RBFOX1: variants seen among roughly 807,000 people sequenced by gnomAD.
RBFOX1 encodes RNA binding protein fox-1 homolog 1.
A neutral mutation model predicts 57.7 loss-of-function variants in RBFOX1; 8 were observed. The observed-to-expected ratio is 0.14, with a 90% CI of 0.08 to 0.25. The LOEUF is 0.25. Among genes scored for constraint, RBFOX1 ranks in the 10% least tolerant of loss-of-function variants. The pLI, the probability that RBFOX1 is intolerant of heterozygous loss-of-function variation, is 1.00. For synonymous variants in RBFOX1, 326 were observed against 222.4 expected, an observed-to-expected ratio of 1.47 and a Z score of -4.15; for missense variants, 611 against 548.5, an observed-to-expected ratio of 1.11 and a Z score of -1.14.
At chr16:7,310,096 C>G (rs747383726) in intron 4 of RBFOX1, among the ~76,000 whole-genome samples, 1 of 152,198 alleles carries the variant, frequency 6.6e-6, no homozygotes, top group Admixed American at 6.5e-5. Context: ...ATAGGGTCAG[C>G]TCTCAGGCAC....
At chr16:5,358,327 T>TTTTTTTTTTTTTTTTTTTGAG (rs2065450729) in intron 1 of RBFOX1, among the ~76,000 whole-genome samples, 2 of 151,698 alleles carry the variant, frequency 1.3e-5, no homozygotes, top group African/African-American at 4.9e-5. Context: ...GTAATCTTTT[T>TTTTTTTTTTTTTTTTTTTGAG]ATGCCTGCAT....
At chr16:6,848,100 G>A (rs1376373022) in intron 3 of RBFOX1, among the ~76,000 whole-genome samples, 1 of 152,066 alleles carries the variant, frequency 6.6e-6, no homozygotes, top group Non-Finnish European at 1.5e-5. Flanking sequence ...ACAAAGTGCT[G>A]GGATTTGCAG....
chr16:5,355,484 G>A (rs1386194785), intron 1 of RBFOX1, among the ~76,000 whole-genome samples: 6 of 152,192 alleles, frequency 3.9e-5, no homozygotes, highest in African/African-American at 1.4e-4. Flanking sequence ...GCTGGCTCAA[G>A]GCCCGGGGCC....
At chr16:6,856,380 C>A (rs187543646) in intron 3 of RBFOX1, among the ~76,000 whole-genome samples, 1 of 152,186 alleles carries the variant, frequency 6.6e-6, no homozygotes, top group East Asian at 1.9e-4. Context: ...ACTATGTCTC[C>A]TTGGAGTCCC....
intron 4 of RBFOX1, among the ~76,000 whole-genome samples, chr16:5,885,069 G>A (rs1490088798): frequency 6.6e-6 from 1 of 152,066 alleles, no homozygotes; most frequent in Non-Finnish European, 1.5e-5. Context: ...ATGGTCTTCG[G>A]GTCTCTTGTA....
rs1240258186 is a variant in RBFOX1, at chr16:6,047,627, G to A, written c.-127+27635G>A. 1.3e-5 allele frequency among the ~76,000 whole-genome samples: 2 copies of A among 152,166 alleles called. 1 individual carries two copies. The highest frequency in any genetic ancestry group is 1.3e-4 in the Admixed American group (2 of 15,276). On this transcript the variant is annotated intron_variant, in intron 1 of 15. Coordinates refer to ENST00000550418, the MANE Select transcript of RBFOX1 (RefSeq NM_018723.4). ...TGAGGGATGACTTGCTCACAGACCA[G>A]ATTATTTCATCCCCAAATGGAATGG... is the stretch of plus-strand genomic sequence containing the variant.
At chr16:7,219,007 A>G (rs567554030) in intron 4 of RBFOX1, among the ~76,000 whole-genome samples, 4 of 152,272 alleles carry the variant, frequency 2.6e-5, no homozygotes, top group African/African-American at 9.6e-5. Flanking sequence ...GGTGGTCACA[A>G]GAGAAGAAGA....
At chr16:7,616,573 T>C (rs1468514204) in intron 10 of RBFOX1, among the ~76,000 whole-genome samples, 2 of 152,216 alleles carry the variant, frequency 1.3e-5, no homozygotes, top group African/African-American at 4.8e-5. Flanking sequence ...ATTTTGTTTT[T>C]GTTTTTGGGA....
chr16:5,388,732 G>A (rs933674264), intron 1 of RBFOX1, among the ~76,000 whole-genome samples: 3 of 151,856 alleles, frequency 2.0e-5, no homozygotes, highest in Non-Finnish European at 4.4e-5. Context: ...ATGCCACCAT[G>A]CCCAGCTAAT....
intron 1 of RBFOX1, among the ~76,000 whole-genome samples, chr16:5,350,564 C>G (rs1233335517): frequency 1.3e-5 from 2 of 152,184 alleles, no homozygotes; most frequent in African/African-American, 4.8e-5. Context: ...CCTCAGTCCT[C>G]CTTTAAAATG....
At chr16:6,338,197 C>A (rs1340246739) in intron 2 of RBFOX1, among the ~76,000 whole-genome samples, 1 of 151,978 alleles carries the variant, frequency 6.6e-6, no homozygotes, top group African/African-American at 2.4e-5. Flanking sequence ...GAATATTTTC[C>A]CCACCTCTTC....
chr16:7,267,568 T>C (rs2095195120), intron 4 of RBFOX1, among the ~76,000 whole-genome samples: 1 of 145,974 alleles, frequency 6.9e-6, no homozygotes, highest in South Asian at 2.2e-4. Flanking sequence ...TAAAATAAAA[T>C]GGGAAGCCGA....
chr16:7,443,999 C>G (rs754271416), intron 4 of RBFOX1, among the ~76,000 whole-genome samples: 1 of 152,102 alleles, frequency 6.6e-6, no homozygotes, highest in Admixed American at 6.6e-5. Context: ...TCCACTTTGC[C>G]TATGAAGAAA....
chr16:6,154,048 C>A (rs189493897), intron 1 of RBFOX1, among the ~76,000 whole-genome samples: 2 of 152,296 alleles, frequency 1.3e-5, no homozygotes, highest in African/African-American at 4.8e-5. Flanking sequence ...TAAGTCCAGA[C>A]CTCATGGAAA....
chr16:7,567,186 T>C (rs541561921), intron 5 of RBFOX1, among the ~76,000 whole-genome samples: 1 of 147,766 alleles, frequency 6.8e-6, no homozygotes, highest in Non-Finnish European at 1.5e-5. Flanking sequence ...CCTATATAAA[T>C]ATCCATATAT....
chr16:7,078,739 A>C (rs147876594), intron 4 of RBFOX1, among the ~76,000 whole-genome samples: 1 of 144,662 alleles, frequency 6.9e-6, no homozygotes, highest in African/African-American at 2.5e-5. Flanking sequence ...CTGGAGTGCA[A>C]TGGCATGATC....
chr16:6,808,564 G>T (rs892615978), intron 3 of RBFOX1, among the ~76,000 whole-genome samples: 4 of 152,050 alleles, frequency 2.6e-5, no homozygotes, highest in African/African-American at 9.7e-5. Context: ...TTGTCTGATG[G>T]GGAATAACTG....
chr16:7,226,468 T>C (rs1186172850), intron 4 of RBFOX1, among the ~76,000 whole-genome samples: 1 of 152,206 alleles, frequency 6.6e-6, no homozygotes. Context: ...GCAGCCTGCA[T>C]TGACTCTCCA....
intron 2 of RBFOX1, among the ~76,000 whole-genome samples, chr16:5,586,131 T>C (rs7186113): frequency 0.22 from 32,760 of 152,016 alleles, 4,185 homozygotes; most frequent in East Asian, 0.5. Flanking sequence ...CCAAGGCACC[T>C]TGAGGATCTC....
Sources: gnomAD v4.1 joint callset for allele counts (sites outside exome capture counted in the v4.1 genomes callset) on GRCh38, gnomAD v4.1.1 for gene constraint, MANE v1.5 for transcripts, NCBI Gene and HGNC (gene_info 2026-07-23, HGNC 2026-07-21) for gene names.